The following PLCB4 variants were observed in gnomAD, a reference collection of about 807,000 sequenced individuals.
PLCB4 encodes 1-phosphatidylinositol 4,5-bisphosphate phosphodiesterase beta-4.
A neutral mutation model predicts 178.8 loss-of-function variants in PLCB4; 77 were observed. The ratio of observed to expected loss-of-function variants is 0.43; its 90% CI spans 0.36 to 0.52. The LOEUF is 0.52. Ranked by LOEUF, PLCB4 falls within the 20% of genes least tolerant of loss-of-function variation. The pLI is 0.00. For missense variants in PLCB4, 1,024 were observed against 1,453.4 expected, an observed-to-expected ratio of 0.70 and a Z score of 4.80; for synonymous variants, 496 against 490.8, an observed-to-expected ratio of 1.01 and a Z score of -0.14.
intron 2 of PLCB4, among the ~76,000 whole-genome samples, chr20:9,155,821 C>T (rs532133901): frequency 6.6e-6 from 1 of 152,284 alleles, no homozygotes; most frequent in East Asian, 1.9e-4. Context: ...AGACATGTGG[C>T]ATAAACATAA....
chr20:9,238,736 C>T (rs2094022359), intron 3 of PLCB4, among the ~76,000 whole-genome samples: 1 of 152,204 alleles, frequency 6.6e-6, no homozygotes, highest in African/African-American at 2.4e-5. Flanking sequence ...ATTTGAGAAA[C>T]TTTCTGATTT....
intron 1 of PLCB4, among the ~76,000 whole-genome samples, chr20:9,089,129 T>G (rs769885426): frequency 2.6e-5 from 4 of 151,968 alleles, no homozygotes; most frequent in Non-Finnish European, 5.9e-5. Flanking sequence ...ATTAGTTAGC[T>G]TATTTCAAAG....
chr20:9,421,007 T>C (rs778527472), intron 26 of PLCB4, among the ~76,000 whole-genome samples: 3 of 152,220 alleles, frequency 2.0e-5, no homozygotes, highest in Non-Finnish European at 4.4e-5. Context: ...TTAGGTGAGA[T>C]GAAGAGGCCG....
chr20:9,423,735 G>C lies in PLCB4; in HGVS notation c.2320-13G>C. Reference sequence around the variant, plus strand: ...CATTGGAAAAATCAGTGAAAGTCCTGTTCTGTTTGCAGGTGATCCTGCCGG... The same window carrying C: ...CATTGGAAAAATCAGTGAAAGTCCTCTTCTGTTTGCAGGTGATCCTGCCGG... On this transcript the variant is annotated splice_polypyrimidine_tract_variant and intron_variant, in intron 27 of 39. Coordinates refer to ENST00000378473, the MANE Select transcript of PLCB4 (RefSeq NM_001377142.1). 6.2e-7 allele frequency: 1 copy of C among 1,609,750 alleles called. No homozygotes were observed. The highest frequency in any genetic ancestry group is 8.5e-7 in the Non-Finnish European group (1 of 1,176,610).
At chr20:9,110,025 A>G (rs1457301552) in intron 2 of PLCB4, among the ~76,000 whole-genome samples, 1 of 152,176 alleles carries the variant, frequency 6.6e-6, no homozygotes, top group Non-Finnish European at 1.5e-5. Context: ...GTTCCCACAG[A>G]GAAGGTTAGT....
At chr20:9,250,059 A>G (rs1359168493) in intron 3 of PLCB4, among the ~76,000 whole-genome samples, 2 of 152,214 alleles carry the variant, frequency 1.3e-5, no homozygotes, top group Non-Finnish European at 2.9e-5. Context: ...CATATGCACC[A>G]TTGCCTCTAA....
intron 19 of PLCB4, among the ~76,000 whole-genome samples, chr20:9,400,325 A>C (rs1383453378): frequency 6.6e-6 from 1 of 152,236 alleles, no homozygotes; most frequent in Non-Finnish European, 1.5e-5. Context: ...AAGAAAAAGT[A>C]GTTTCCATTC....
chr20:9,329,545 C>T (rs1442239240), intron 4 of PLCB4, among the ~76,000 whole-genome samples: 8 of 152,198 alleles, frequency 5.3e-5, no homozygotes, highest in African/African-American at 1.7e-4. Flanking sequence ...GAGACTAGAA[C>T]GGCATCTCCC....
chr20:9,355,226 T>C (rs1488404909), intron 7 of PLCB4, among the ~76,000 whole-genome samples: 3 of 152,114 alleles, frequency 2.0e-5, no homozygotes, highest in Non-Finnish European at 4.4e-5. Context: ...AACTAAACCT[T>C]CTCCTAATTC....
chr20:9,151,964 A>G (rs925326374), intron 2 of PLCB4, among the ~76,000 whole-genome samples: 9 of 152,160 alleles, frequency 5.9e-5, no homozygotes, highest in Admixed American at 1.3e-4. Context: ...AACTGGAGCA[A>G]AGGTGACTCT....
intron 4 of PLCB4, among the ~76,000 whole-genome samples, chr20:9,318,042 CG>C (rs2147939519): frequency 6.6e-6 from 1 of 151,980 alleles, no homozygotes; most frequent in East Asian, 1.9e-4. Flanking sequence ...CCCAGCTGCT[CG>C]GGAGGCTGAA....
intron 3 of PLCB4, among the ~76,000 whole-genome samples, chr20:9,219,650 C>T (rs1235106640): frequency 6.6e-6 from 1 of 152,170 alleles, no homozygotes; most frequent in Non-Finnish European, 1.5e-5. Context: ...ATATGTCCCT[C>T]CATCCTCTCC....
chr20:9,308,148 A>G (rs1166966657), intron 4 of PLCB4, among the ~76,000 whole-genome samples: 2 of 152,184 alleles, frequency 1.3e-5, no homozygotes, highest in African/African-American at 2.4e-5. Flanking sequence ...ATTTTTTACA[A>G]CAACCTTACA....
At chr20:9,264,522 G>A (rs923422125) in intron 3 of PLCB4, among the ~76,000 whole-genome samples, 2 of 152,174 alleles carry the variant, frequency 1.3e-5, no homozygotes, top group Admixed American at 1.3e-4. Flanking sequence ...ACTTTCATCA[G>A]TGTTTATGTT....
At chr20:9,283,326 T>C (rs182476270) in intron 3 of PLCB4, among the ~76,000 whole-genome samples, 1 of 152,080 alleles carries the variant, frequency 6.6e-6, no homozygotes, top group African/African-American at 2.4e-5. Flanking sequence ...ATTTCACTTA[T>C]TTTCCCTTGA....
chr20:9,114,139 G>A (rs1481861720), intron 2 of PLCB4, among the ~76,000 whole-genome samples: 3 of 152,100 alleles, frequency 2.0e-5, no homozygotes, highest in African/African-American at 4.8e-5. Flanking sequence ...GCTTGAACCC[G>A]GGAGGCAGAG....
chr20:9,271,887 C>A (rs1315976734), intron 3 of PLCB4, among the ~76,000 whole-genome samples: 2 of 151,852 alleles, frequency 1.3e-5, no homozygotes, highest in Non-Finnish European at 2.9e-5. Flanking sequence ...ATTAAGAAGG[C>A]ATCATGGGGC....
chr20:9,248,049 A>G (rs970605033), intron 3 of PLCB4, among the ~76,000 whole-genome samples: 7 of 152,116 alleles, frequency 4.6e-5, no homozygotes, highest in African/African-American at 1.7e-4. Context: ...CACACTGAGA[A>G]CTGTAGTATT....
intron 3 of PLCB4, among the ~76,000 whole-genome samples, chr20:9,222,611 C>T (rs1286583424): frequency 6.6e-6 from 1 of 152,204 alleles, no homozygotes; most frequent in Non-Finnish European, 1.5e-5. Flanking sequence ...ATTTTAGTTA[C>T]ATATTTAACT....
Sources: gnomAD v4.1 joint callset for allele counts (sites outside exome capture counted in the v4.1 genomes callset) on GRCh38, gnomAD v4.1.1 for gene constraint, MANE v1.5 for transcripts, NCBI Gene and HGNC (gene_info 2026-07-23, HGNC 2026-07-21) for gene names.